The following POU3F3 variants were observed in gnomAD, a reference collection of about 807,000 sequenced individuals.
POU3F3 encodes POU class 3 homeobox 3.
In POU3F3, 1 loss-of-function variant was observed where a neutral mutation model predicts 8.6. The ratio of observed to expected loss-of-function variants is 0.12; its 90% CI spans 0.04 to 0.55. The LOEUF (loss-of-function observed/expected upper bound fraction) is 0.55. POU3F3 is among the 20% of genes least tolerant of loss of function. The probability of loss-of-function intolerance (pLI) is 0.91; values close to 1 mark genes in which losing one functional copy is unlikely to be tolerated. For missense variants in POU3F3, 577 were observed against 690.7 expected, an observed-to-expected ratio of 0.84 and a Z score of 1.84; for synonymous variants, 418 against 327.4, an observed-to-expected ratio of 1.28 and a Z score of -2.99.
the POU3F3 span, among the ~76,000 whole-genome samples, chr2:104,874,220 T>A: frequency 2.8e-4 from 42 of 152,170 alleles, no homozygotes; most frequent in African/African-American, 1.0e-3. Flanking sequence ...GATTGGGAGC[T>A]GCTGTTTGGA....
At chr2:104,900,536 C>A in the POU3F3 span, among the ~76,000 whole-genome samples, 4 of 152,196 alleles carry the variant, frequency 2.6e-5, no homozygotes, top group Admixed American at 2.6e-4. Flanking sequence ...CCCCAGCCTT[C>A]CTACTCTTCT....
At chr2:104,861,675 T>A (rs1170323159), downstream of POU3F3, among the ~76,000 whole-genome samples, 3 of 152,256 alleles carry the variant, frequency 2.0e-5, no homozygotes, top group African/African-American at 4.8e-5. Flanking sequence ...TTTGTCCTAG[T>A]CCAGCTACTA....
chr2:104,909,360 C>T, the POU3F3 span, among the ~76,000 whole-genome samples: 2 of 152,168 alleles, frequency 1.3e-5, no homozygotes. Flanking sequence ...GAAGATATGC[C>T]AGAAAAGACC....
chr2:104,904,025 G>A, the POU3F3 span, among the ~76,000 whole-genome samples: 1 of 152,160 alleles, frequency 6.6e-6, no homozygotes, highest in African/African-American at 2.4e-5. Context: ...TTCTGAGATG[G>A]GGAAGGTTCC....
At chr2:104,875,253 T>A in the POU3F3 span, among the ~76,000 whole-genome samples, 5 of 152,350 alleles carry the variant, frequency 3.3e-5, no homozygotes, top group African/African-American at 1.2e-4. Context: ...GACACTTGAG[T>A]TACTTCCACC....
chr2:104,927,604 A>T, the POU3F3 span, among the ~76,000 whole-genome samples: 1 of 151,430 alleles, frequency 6.6e-6, no homozygotes, highest in African/African-American at 2.4e-5. Context: ...AAATTTTTTT[A>T]AAATTAGTCA....
chr2:104,899,091 G>C, the POU3F3 span, among the ~76,000 whole-genome samples: 3 of 152,212 alleles, frequency 2.0e-5, no homozygotes, highest in Admixed American at 2.0e-4. Context: ...GAAGAAATCT[G>C]AATTCTAATC....
the POU3F3 span, among the ~76,000 whole-genome samples, chr2:104,925,687 A>C: frequency 6.6e-6 from 1 of 152,242 alleles, no homozygotes; most frequent in East Asian, 1.9e-4. Context: ...TATTTAGCCT[A>C]GAATAAAGGC....
At chr2:104,893,358 C>T in the POU3F3 span, among the ~76,000 whole-genome samples, 1 of 152,192 alleles carries the variant, frequency 6.6e-6, no homozygotes, top group African/African-American at 2.4e-5. Flanking sequence ...GGGCCAGTGT[C>T]CTGAGCAGTG....
the POU3F3 span, among the ~76,000 whole-genome samples, chr2:104,917,026 C>A: frequency 9.7e-4 from 148 of 152,348 alleles, 1 homozygote; most frequent in Admixed American, 2.4e-3. Flanking sequence ...ATTTCACTCC[C>A]TCTCTTCTTG....
At chr2:104,900,880 G>A in the POU3F3 span, among the ~76,000 whole-genome samples, 7 of 152,136 alleles carry the variant, frequency 4.6e-5, no homozygotes, top group Non-Finnish European at 7.3e-5. Context: ...AAATGGGCTC[G>A]GATGTTGGCC....
At chr2:104,884,369 C>T in the POU3F3 span, among the ~76,000 whole-genome samples, 1 of 152,216 alleles carries the variant, frequency 6.6e-6, no homozygotes. Flanking sequence ...GAGCCCTTCC[C>T]TCAGCCCTGC....
chr2:104,885,370 C>A, the POU3F3 span, among the ~76,000 whole-genome samples: 2 of 152,106 alleles, frequency 1.3e-5, no homozygotes, highest in Non-Finnish European at 2.9e-5. Flanking sequence ...TGCTGCATTC[C>A]CAGAAGGTTA....
At chr2:104,868,054 C>A in the POU3F3 span, 1 of 355,696 alleles carries the variant, frequency 2.8e-6, no homozygotes, top group Non-Finnish European at 5.5e-6. Flanking sequence ...GATTGGCGCC[C>A]CAGCACCGGG....
the POU3F3 span, among the ~76,000 whole-genome samples, chr2:104,870,200 C>T: frequency 1.3e-5 from 2 of 152,176 alleles, no homozygotes; most frequent in South Asian, 2.1e-4. Context: ...GGTAATACCA[C>T]GCCATCCTGT....
At chr2:104,919,297 C>T in the POU3F3 span, among the ~76,000 whole-genome samples, 2 of 152,236 alleles carry the variant, frequency 1.3e-5, no homozygotes, top group African/African-American at 4.8e-5. Flanking sequence ...ACATTGTCTT[C>T]AGTGTTCCTG....
At chr2:104,917,033 C>G in the POU3F3 span, among the ~76,000 whole-genome samples, 1 of 152,210 alleles carries the variant, frequency 6.6e-6, no homozygotes, top group Non-Finnish European at 1.5e-5. Flanking sequence ...TCCCTCTCTT[C>G]TTGAACAGAG....
chr2:104,926,177 A>G, the POU3F3 span: 2 of 152,182 alleles, frequency 1.3e-5, no homozygotes, highest in Non-Finnish European at 2.9e-5. Flanking sequence ...AACCTACAGA[A>G]TGGGAGAAAA....
the POU3F3 span, among the ~76,000 whole-genome samples, chr2:104,899,138 C>T: frequency 6.6e-6 from 1 of 152,312 alleles, no homozygotes; most frequent in African/African-American, 2.4e-5. Context: ...CATGGAGATA[C>T]TCAAAAGGAT....
Sources: allele counts gnomAD v4.1 joint callset (sites outside exome capture counted in the v4.1 genomes callset), GRCh38; gene constraint gnomAD v4.1.1; transcripts MANE v1.5; gene names NCBI Gene and HGNC (gene_info 2026-07-23, HGNC 2026-07-21).